The following ADAMTSL1 variants were observed in gnomAD, a reference collection of about 807,000 sequenced individuals.
The protein encoded by ADAMTSL1 is ADAMTS like 1.
In ADAMTSL1, 126 loss-of-function variants were observed where a neutral mutation model predicts 201.8. The ratio of observed to expected loss-of-function variants is 0.62; its 90% CI spans 0.54 to 0.72. The LOEUF is 0.72. Ranked by LOEUF, ADAMTSL1 falls within the 30% of genes least tolerant of loss-of-function variation. ADAMTSL1 has a pLI of 0.00. For synonymous variants in ADAMTSL1, 1,121 were observed against 903.4 expected (o/e 1.24, Z -4.32); for missense variants, 2,679 against 2,277.8 (o/e 1.18, Z -3.59).
At chr9:18,676,785 C>A (rs1329872415) in intron 10 of ADAMTSL1, among the ~76,000 whole-genome samples, 1 of 152,040 alleles carries the variant, frequency 6.6e-6, no homozygotes, top group Admixed American at 6.6e-5. Context: ...CAGCAGCCTG[C>A]TCCATCTCAA....
At chr9:18,058,594 A>G (rs1822301579) in intron 1 of ADAMTSL1, among the ~76,000 whole-genome samples, 1 of 152,190 alleles carries the variant, frequency 6.6e-6, no homozygotes, top group Non-Finnish European at 1.5e-5. Context: ...CACTGATAAA[A>G]TACAGATACT....
chr9:18,360,092 G>T (rs1485744219), intron 2 of ADAMTSL1, among the ~76,000 whole-genome samples: 3 of 152,046 alleles, frequency 2.0e-5, no homozygotes, highest in African/African-American at 7.2e-5. Flanking sequence ...ACAGTGAGGG[G>T]AAGTCAGATG....
intron 2 of ADAMTSL1, among the ~76,000 whole-genome samples, chr9:18,250,686 A>G (rs978701403): frequency 1.3e-5 from 2 of 152,150 alleles, no homozygotes; most frequent in African/African-American, 2.4e-5. Context: ...CATGGAAGTC[A>G]GAAGTGTTCT....
chr9:18,195,141 GT>G (rs1829124343), intron 2 of ADAMTSL1, among the ~76,000 whole-genome samples: 1 of 152,056 alleles, frequency 6.6e-6, no homozygotes, highest in Non-Finnish European at 1.5e-5. Flanking sequence ...TATATTGTTT[GT>G]TTTGAGGAAT....
At chr9:18,843,827 C>A (rs541703019) in intron 23 of ADAMTSL1, among the ~76,000 whole-genome samples, 1 of 151,300 alleles carries the variant, frequency 6.6e-6, no homozygotes, top group Non-Finnish European at 1.5e-5. Context: ...TTGATCACAT[C>A]AGCTCCTGAG....
chr9:18,654,334 A>T (rs950910158), intron 7 of ADAMTSL1, among the ~76,000 whole-genome samples: 1 of 152,270 alleles, frequency 6.6e-6, no homozygotes, highest in African/African-American at 2.4e-5. Flanking sequence ...ATCTTCAAGG[A>T]AACTGGCAGA....
chr9:18,121,626 A>G (rs750586198), intron 1 of ADAMTSL1, among the ~76,000 whole-genome samples: 22 of 152,242 alleles, frequency 1.4e-4, no homozygotes, highest in Non-Finnish European at 3.1e-4. Flanking sequence ...AATTTTTATT[A>G]ATATTTTGAC....
intron 1 of ADAMTSL1, among the ~76,000 whole-genome samples, chr9:18,050,687 C>G (rs918787862): frequency 6.6e-6 from 1 of 151,970 alleles, no homozygotes; most frequent in African/African-American, 2.4e-5. Context: ...GAAGTGTGCA[C>G]TTTTTTGTGA....
chr9:18,739,422 A>G (rs528005087), intron 15 of ADAMTSL1, among the ~76,000 whole-genome samples: 144 of 152,320 alleles, frequency 9.5e-4, no homozygotes, highest in African/African-American at 3.4e-3. Context: ...GTGTGTTTAA[A>G]AATAGTGTCC....
At chr9:18,375,404 G>C (rs1211966971) in intron 2 of ADAMTSL1, among the ~76,000 whole-genome samples, 1 of 151,938 alleles carries the variant, frequency 6.6e-6, no homozygotes, top group African/African-American at 2.4e-5. Context: ...TCAGGTTTTT[G>C]GGCTTTACCT....
chr9:18,155,288 A>C (rs971308891), intron 1 of ADAMTSL1, among the ~76,000 whole-genome samples: 6 of 152,074 alleles, frequency 3.9e-5, no homozygotes, highest in Admixed American at 3.9e-4. Context: ...CATTGCACTA[A>C]CTGGATATAG....
intron 2 of ADAMTSL1, among the ~76,000 whole-genome samples, chr9:18,178,025 C>T (rs956552517): frequency 2.0e-5 from 3 of 152,146 alleles, no homozygotes; most frequent in East Asian, 3.9e-4. Flanking sequence ...AAGAGGAGCC[C>T]AGATGGCCGA....
chr9:18,017,600 C>T (rs1448319605), intron 1 of ADAMTSL1, among the ~76,000 whole-genome samples: 1 of 151,940 alleles, frequency 6.6e-6, no homozygotes, highest in Non-Finnish European at 1.5e-5. Flanking sequence ...GGTCTGCGAG[C>T]ATTTTTGTTG....
At chr9:18,784,255 A>G (rs1447926020) in intron 19 of ADAMTSL1, among the ~76,000 whole-genome samples, 1 of 152,154 alleles carries the variant, frequency 6.6e-6, no homozygotes, top group Non-Finnish European at 1.5e-5. Flanking sequence ...CGGCCTTACC[A>G]TTGTGTATTA....
chr9:18,786,559 G>A (rs1312642502), intron 19 of ADAMTSL1, among the ~76,000 whole-genome samples: 1 of 152,198 alleles, frequency 6.6e-6, no homozygotes, highest in East Asian at 1.9e-4. Context: ...AATAATGTCT[G>A]TAACGTGCCT....
At chr9:18,581,452 T>G (rs1823085680) in intron 4 of ADAMTSL1, among the ~76,000 whole-genome samples, 1 of 152,176 alleles carries the variant, frequency 6.6e-6, no homozygotes, top group African/African-American at 2.4e-5. Flanking sequence ...CAAATTTACA[T>G]CCTTCACATG....
chr9:17,968,355 A>G (rs1191884645), intron 1 of ADAMTSL1, among the ~76,000 whole-genome samples: 1 of 152,110 alleles, frequency 6.6e-6, no homozygotes, highest in Non-Finnish European at 1.5e-5. Context: ...GAAGAGAAGA[A>G]CTGAGGGAAT....
At chr9:18,195,980 G>GA (rs983259843) in intron 2 of ADAMTSL1, among the ~76,000 whole-genome samples, 2 of 151,744 alleles carry the variant, frequency 1.3e-5, no homozygotes, top group East Asian at 1.9e-4. Flanking sequence ...AAACTTAAAA[G>GA]AAAAAAAACA....
At chr9:18,097,596 A>G (rs1423725819) in intron 1 of ADAMTSL1, among the ~76,000 whole-genome samples, 1 of 152,102 alleles carries the variant, frequency 6.6e-6, no homozygotes, top group Non-Finnish European at 1.5e-5. Context: ...TGTCTTTCCA[A>G]TTTTCATCAA....
Sources: allele counts gnomAD v4.1 joint callset (sites outside exome capture counted in the v4.1 genomes callset), GRCh38; gene constraint gnomAD v4.1.1; transcripts MANE v1.5; gene names NCBI Gene and HGNC (gene_info 2026-07-23, HGNC 2026-07-21).